The following ZC3H12B variants were observed in gnomAD, a reference collection of about 807,000 sequenced individuals.
ZC3H12B encodes probable ribonuclease ZC3H12B.
Under a neutral mutation model 43.9 loss-of-function variants are expected in ZC3H12B, and 7 were observed. That is an observed-to-expected ratio of 0.16 (90% CI 0.09 to 0.30). The LOEUF (loss-of-function observed/expected upper bound fraction) is 0.30. Ranked by LOEUF, ZC3H12B falls within the 10% of genes least tolerant of loss-of-function variation. ZC3H12B has a pLI of 1.00. For synonymous variants in ZC3H12B, 222 were observed against 241.7 expected (o/e 0.92, Z 0.76); for missense variants, 475 against 670.2 (o/e 0.71, Z 3.22).
intron 3 of ZC3H12B, among the ~76,000 whole-genome samples, chrX:65,437,463 T>C (rs1481070739): frequency 1.8e-5 from 2 of 112,617 alleles, no homozygotes; most frequent in South Asian, 3.6e-4. Flanking sequence ...TGATATCGCA[T>C]TGAAGTTTTA....
chrX:65,193,310 G>T, the ZC3H12B span, among the ~76,000 whole-genome samples: 2 of 110,589 alleles, frequency 1.8e-5, no homozygotes, highest in Non-Finnish European at 3.8e-5. Context: ...TCTTGTCTTC[G>T]ATCTCATTAC....
the ZC3H12B span, among the ~76,000 whole-genome samples, chrX:65,310,515 G>A: frequency 4.5e-5 from 5 of 111,794 alleles, no homozygotes; most frequent in Non-Finnish European, 9.4e-5. Context: ...ACAAATGGAA[G>A]AACATTCTAT....
chrX:65,277,109 A>G, the ZC3H12B span, among the ~76,000 whole-genome samples: 1 of 112,112 alleles, frequency 8.9e-6, no homozygotes, highest in Non-Finnish European at 1.9e-5. Flanking sequence ...AGAAGATTTA[A>G]AAAGAGACAA....
At chrX:65,305,430 A>T in the ZC3H12B span, among the ~76,000 whole-genome samples, 1 of 112,134 alleles carries the variant, frequency 8.9e-6, no homozygotes, top group African/African-American at 3.2e-5. Flanking sequence ...TAGTGTTGGA[A>T]TCAGACTCAT....
At chrX:65,382,589 G>C (rs1260644883) in intron 2 of ZC3H12B, among the ~76,000 whole-genome samples, 3 of 111,443 alleles carry the variant, frequency 2.7e-5, no homozygotes, top group East Asian at 2.8e-4. Context: ...CATAGTATTG[G>C]AAGTTCTGGC....
chrX:65,119,480 C>T, the ZC3H12B span, among the ~76,000 whole-genome samples: 2 of 111,909 alleles, frequency 1.8e-5, no homozygotes, highest in Non-Finnish European at 3.8e-5. Context: ...ATCCTTCATT[C>T]ACTTTTTGAT....
At chrX:65,169,796 C>T in the ZC3H12B span, among the ~76,000 whole-genome samples, 16 of 112,079 alleles carry the variant, frequency 1.4e-4, no homozygotes, top group Admixed American at 1.3e-3. Context: ...TAATGGCCTT[C>T]TTTGTCTCTT....
At chrX:65,502,785 T>C in exon 5 of ZC3H12B, 2 of 1,208,923 alleles carry the variant, frequency 1.7e-6, no homozygotes, top group Non-Finnish European at 1.1e-6. Context: ...GGCCGTGCCC[T>C]GGTGATGACT....
chrX:65,312,036 C>G, the ZC3H12B span, among the ~76,000 whole-genome samples: 1 of 111,160 alleles, frequency 9.0e-6, no homozygotes, highest in Non-Finnish European at 1.9e-5. Context: ...GGAAAAATAC[C>G]TAATGTAAAT....
the ZC3H12B span, among the ~76,000 whole-genome samples, chrX:65,237,369 C>T: frequency 9.0e-6 from 1 of 110,944 alleles, no homozygotes. Flanking sequence ...TCTCTGCTTG[C>T]ATGTTGGTAT....
chrX:65,226,418 T>A, the ZC3H12B span, among the ~76,000 whole-genome samples: 1 of 111,674 alleles, frequency 9.0e-6, no homozygotes, highest in Non-Finnish European at 1.9e-5. Flanking sequence ...TGCAAAATCA[T>A]GCCAAATTGT....
intron 3 of ZC3H12B, among the ~76,000 whole-genome samples, chrX:65,402,034 T>C (rs1245493768): frequency 8.9e-6 from 1 of 111,918 alleles, no homozygotes; most frequent in African/African-American, 3.3e-5. Context: ...TTTCAGGACT[T>C]CACTCTTGGA....
chrX:65,283,671 A>C, the ZC3H12B span, among the ~76,000 whole-genome samples: 1 of 111,836 alleles, frequency 8.9e-6, no homozygotes, highest in Non-Finnish European at 1.9e-5. Context: ...TGCTCCAGGA[A>C]GGGAGCTAGC....
rs753072489 is a variant in ZC3H12B, at chrX:65,394,845, T to G, written n.296-3748T>G. Among the ~76,000 whole-genome samples, 43 of 112,150 alleles carry G rather than the reference T, an allele frequency of 3.8e-4. 1 individual carries two copies. The highest frequency in any genetic ancestry group is 6.6e-4 in the Non-Finnish European group (35 of 53,249). On this transcript the variant is annotated intron_variant and non_coding_transcript_variant, in intron 2 of 5. Coordinates refer to the ZC3H12B transcript ENST00000617377. ...TCTTCCTATCCATAAGCATGGAATGTTTTTCCATTTGTTTGTGTCCTCTCT... is the reference window on the plus strand; with the variant it reads ...TCTTCCTATCCATAAGCATGGAATGGTTTTCCATTTGTTTGTGTCCTCTCT...
chrX:65,339,704 T>C, the ZC3H12B span, among the ~76,000 whole-genome samples: 2 of 111,290 alleles, frequency 1.8e-5, no homozygotes, highest in Non-Finnish European at 3.8e-5. Flanking sequence ...GACCCCAGCC[T>C]GGATTTGCCT....
At chrX:65,166,489 G>A in the ZC3H12B span, among the ~76,000 whole-genome samples, 1 of 111,951 alleles carries the variant, frequency 8.9e-6, no homozygotes, top group Non-Finnish European at 1.9e-5. Context: ...ATTGTGAATA[G>A]TGCTGCAATA....
the ZC3H12B span, among the ~76,000 whole-genome samples, chrX:65,213,295 C>G: frequency 1.8e-5 from 2 of 110,529 alleles, no homozygotes; most frequent in Non-Finnish European, 3.8e-5. Context: ...TATTTATTCA[C>G]TCCTTTAGTG....
At chrX:65,206,788 C>A in the ZC3H12B span, among the ~76,000 whole-genome samples, 1 of 111,248 alleles carries the variant, frequency 9.0e-6, no homozygotes, top group South Asian at 3.7e-4. Flanking sequence ...TATCTACAAT[C>A]TACAAGGAAC....
chrX:65,121,152 A>G, the ZC3H12B span, among the ~76,000 whole-genome samples: 5 of 111,399 alleles, frequency 4.5e-5, no homozygotes, highest in Non-Finnish European at 9.4e-5. Context: ...TATCAGGATG[A>G]TGCTGGCCTC....
Sources: gnomAD v4.1 joint callset for allele counts (sites outside exome capture counted in the v4.1 genomes callset) on GRCh38, gnomAD v4.1.1 for gene constraint, MANE v1.5 for transcripts, NCBI Gene and HGNC (gene_info 2026-07-23, HGNC 2026-07-21) for gene names.